The following IGSF10 variants were observed in gnomAD, a reference collection of about 807,000 sequenced individuals.
The protein encoded by IGSF10 is immunoglobulin superfamily member 10.
IGSF10 carries 126 observed loss-of-function variants against 128.2 expected under a neutral mutation model. The observed-to-expected ratio is 0.98, with a 90% confidence interval of 0.85 to 1.14. The LOEUF (loss-of-function observed/expected upper bound fraction) is 1.14, where lower values mean the gene tolerates loss of function less well. Among genes scored for constraint, IGSF10 ranks in the 50% most tolerant of loss-of-function variants. The pLI is 0.00. For missense variants in IGSF10, 3,295 were observed against 3,149.8 expected (o/e 1.05, Z -1.10); for synonymous variants, 1,185 against 1,146.2 (o/e 1.03, Z -0.68).
the IGSF10 span, among the ~76,000 whole-genome samples, chr3:151,492,221 A>G: frequency 3.9e-5 from 6 of 152,190 alleles, no homozygotes; most frequent in African/African-American, 7.2e-5. Flanking sequence ...ACATTTCTTC[A>G]AAGACTACAT....
the IGSF10 span, among the ~76,000 whole-genome samples, chr3:151,539,637 T>C: frequency 1.3e-5 from 2 of 152,168 alleles, no homozygotes; most frequent in African/African-American, 4.8e-5. Flanking sequence ...ATTGTATCAA[T>C]ATGAATCTGT....
the IGSF10 span, among the ~76,000 whole-genome samples, chr3:151,511,078 G>C: frequency 6.6e-6 from 1 of 152,106 alleles, no homozygotes; most frequent in Admixed American, 6.5e-5. Context: ...AATCTAGCAA[G>C]GCAGGCCAAC....
At chr3:151,560,437 G>C in the IGSF10 span, among the ~76,000 whole-genome samples, 1 of 151,956 alleles carries the variant, frequency 6.6e-6, no homozygotes, top group Non-Finnish European at 1.5e-5. Flanking sequence ...TCATATTTTT[G>C]TGGGTATCCC....
Position 151,443,574 on chromosome 3 carries a change from G to A in IGSF10, c.5373C>T (p.Ser1791=), listed in dbSNP as rs1720994200. The A allele has an allele frequency of 6.2e-7, 1 of 1,614,058 alleles. No individual in the cohort carries two copies. The part of the protein sequence containing the change: ...LANQTVVSES[S]QGSRQAVVTV... ...TCACCACAGCCTGCCTACTTCCCTGGGATGATTCTGAGACAACTGTTTGGT... is the reference window on the plus strand; with the variant it reads ...TCACCACAGCCTGCCTACTTCCCTGAGATGATTCTGAGACAACTGTTTGGT... The change falls in exon 7 of 8, where the codon TCC becomes TCT. Residue 1791 remains serine, a synonymous_variant. Transcript: ENST00000282466.
the IGSF10 span, among the ~76,000 whole-genome samples, chr3:151,471,915 T>G: frequency 6.6e-6 from 1 of 152,194 alleles, no homozygotes; most frequent in Non-Finnish European, 1.5e-5. Flanking sequence ...AACAATGCAA[T>G]GCATCTCATT....
downstream of IGSF10, chr3:151,435,476 A>G (rs1434923219): frequency 1.3e-5 from 2 of 152,166 alleles, no homozygotes; most frequent in African/African-American, 4.8e-5. Context: ...GGGCTAACTG[A>G]AAGTCAGTGT....
At chr3:151,514,108 T>C in the IGSF10 span, among the ~76,000 whole-genome samples, 5 of 152,008 alleles carry the variant, frequency 3.3e-5, no homozygotes, top group Admixed American at 6.6e-5. Flanking sequence ...CTTCACAGAA[T>C]TGGAAAAAAA....
chr3:151,434,478 A>G (rs1433896802), downstream of IGSF10: 2 of 152,082 alleles, frequency 1.3e-5, no homozygotes, highest in Non-Finnish European at 2.9e-5. Flanking sequence ...CAAAACATTA[A>G]AAACTATTCT....
the IGSF10 span, among the ~76,000 whole-genome samples, chr3:151,504,947 CAA>C: frequency 6.6e-6 from 1 of 152,182 alleles, no homozygotes; most frequent in Non-Finnish European, 1.5e-5. Context: ...GCATTTTGGT[CAA>C]AGACATTCAA....
chr3:151,599,101 T>C, the IGSF10 span, among the ~76,000 whole-genome samples: 47,467 of 151,858 alleles, frequency 0.31, 7,705 homozygotes, highest in African/African-American at 0.38. Context: ...AAGGGATGAG[T>C]GCTGAGCAGT....
chr3:151,455,925 ACTATCATCTCTGT>A (rs1218701696), intron 4 of IGSF10, among the ~76,000 whole-genome samples: 1 of 152,210 alleles, frequency 6.6e-6, no homozygotes, highest in East Asian at 1.9e-4. Flanking sequence ...CTTGGCCTGA[ACTATCATCTCTGT>A]CGAGAATGCT....
At chr3:151,475,496 G>C in the IGSF10 span, among the ~76,000 whole-genome samples, 2 of 152,222 alleles carry the variant, frequency 1.3e-5, no homozygotes, top group Non-Finnish European at 2.9e-5. Flanking sequence ...TAACTTAGGA[G>C]TATATGCCTG....
the IGSF10 span, among the ~76,000 whole-genome samples, chr3:151,607,779 C>T: frequency 2.6e-5 from 4 of 151,522 alleles, no homozygotes; most frequent in African/African-American, 7.3e-5. Flanking sequence ...GGTGTGGTGG[C>T]AGGCGCCTGT....
At chr3:151,501,141 C>T in the IGSF10 span, among the ~76,000 whole-genome samples, 1 of 152,022 alleles carries the variant, frequency 6.6e-6, no homozygotes, top group African/African-American at 2.4e-5. Flanking sequence ...AAAGATCTGT[C>T]CCAAAATTCA....
At chr3:151,439,940 T>C (rs943789750) in intron 7 of IGSF10, among the ~76,000 whole-genome samples, 4 of 152,208 alleles carry the variant, frequency 2.6e-5, no homozygotes, top group Non-Finnish European at 5.9e-5. Flanking sequence ...AGCAGGTAGA[T>C]AAAACGAGAG....
At chr3:151,443,926 G>T in intron 6 of IGSF10, 42 bp from the exon 7 acceptor site, 1 of 1,461,390 alleles carries the variant, frequency 6.8e-7, no homozygotes, top group Non-Finnish European at 9.3e-7. Flanking sequence ...GGTCATCAAA[G>T]TTTATTTAGA....
At chr3:151,611,176 T>C in the IGSF10 span, among the ~76,000 whole-genome samples, 7 of 152,220 alleles carry the variant, frequency 4.6e-5, no homozygotes, top group African/African-American at 1.7e-4. Flanking sequence ...TAGCTTGTCA[T>C]ATGCAAAAAT....
the IGSF10 span, among the ~76,000 whole-genome samples, chr3:151,491,752 C>T: frequency 5.4e-4 from 82 of 152,190 alleles, no homozygotes; most frequent in African/African-American, 1.9e-3. Context: ...TTTTCTTAAA[C>T]GCTTCCAAAA....
At chr3:151,571,048 T>C in the IGSF10 span, among the ~76,000 whole-genome samples, 1 of 152,186 alleles carries the variant, frequency 6.6e-6, no homozygotes, top group African/African-American at 2.4e-5. Flanking sequence ...TGGTTGTAGA[T>C]GTGTGGTGTT....
Sources: allele counts gnomAD v4.1 joint callset (sites outside exome capture counted in the v4.1 genomes callset), GRCh38; gene constraint gnomAD v4.1.1; transcripts MANE v1.5; gene names NCBI Gene and HGNC (gene_info 2026-07-23, HGNC 2026-07-21).